The following ANKRD26 variants were observed in gnomAD, a reference collection of about 807,000 sequenced individuals.
ANKRD26 encodes the protein ankyrin repeat domain 26.
Under a neutral mutation model 208.7 loss-of-function variants are expected in ANKRD26, and 141 were observed. The ratio of observed to expected loss-of-function variants is 0.68; its 90% CI spans 0.59 to 0.78. The LOEUF is 0.78. Ranked by LOEUF, ANKRD26 falls within the 30% of genes least tolerant of loss-of-function variation. The probability of loss-of-function intolerance (pLI) is 0.00; values close to 1 mark genes in which losing one functional copy is unlikely to be tolerated. For missense variants in ANKRD26, 1,889 were observed against 1,938.7 expected, an observed-to-expected ratio of 0.97 and a Z score of 0.48; for synonymous variants, 636 against 660.4, an observed-to-expected ratio of 0.96 and a Z score of 0.57.
At chr10:26,948,793 G>C in the ANKRD26 span, among the ~76,000 whole-genome samples, 3 of 152,126 alleles carry the variant, frequency 2.0e-5, no homozygotes, top group Non-Finnish European at 2.9e-5. Context: ...TTCAAGACTA[G>C]CCTGGCCAAC....
intron 30 of ANKRD26, among the ~76,000 whole-genome samples, chr10:27,016,724 T>C (rs2053305482): frequency 1.3e-5 from 2 of 152,158 alleles, no homozygotes; most frequent in South Asian, 4.1e-4. Flanking sequence ...TAAGCAAGTA[T>C]ATACTTGGGT....
At chr10:27,045,239 C>G (rs1314083390) in intron 18 of ANKRD26, among the ~76,000 whole-genome samples, 1 of 152,142 alleles carries the variant, frequency 6.6e-6, no homozygotes, top group African/African-American at 2.4e-5. Context: ...GCTTGGCCAA[C>G]ATGGCGCAAC....
Position 27,100,388 on chromosome 10 carries a change from A to T in ANKRD26, c.-62T>A. ...TCTCTCGGCTCTTAACGGCCTCCGG[A>T]GCCCAACATAACAAGTCAGCCCCGG... On this transcript the variant is annotated 5_prime_UTR_variant, in exon 1 of 34. Coordinates refer to ENST00000376087, the MANE Select transcript of ANKRD26 (RefSeq NM_014915.3). 1 of 1,596,126 alleles carries T rather than the reference A, an allele frequency of 6.3e-7. No homozygotes were observed. Among genetic ancestry groups the T allele is most frequent in the Non-Finnish European group, 8.5e-7 (1 of 1,178,494 alleles).
intron 16 of ANKRD26, chr10:27,051,321 C>T (rs1187173461): frequency 3.9e-6 from 5 of 1,278,750 alleles, no homozygotes; most frequent in African/African-American, 3.1e-5. Flanking sequence ...AGCGTCTGTA[C>T]CAGCAGAAAT....
intron 1 of ANKRD26, among the ~76,000 whole-genome samples, chr10:27,099,564 G>GC (rs1022450135): frequency 3.1e-5 from 4 of 127,316 alleles, no homozygotes; most frequent in African/African-American, 9.1e-5. Context: ...ATTAGAGTTG[G>GC]GGGGGGGGGT....
At chr10:27,075,181 G>A (rs1038772392) in intron 9 of ANKRD26, among the ~76,000 whole-genome samples, 1 of 152,148 alleles carries the variant, frequency 6.6e-6, no homozygotes, top group Non-Finnish European at 1.5e-5. Context: ...TAACATAATG[G>A]AGGAAACAAA....
At chr10:26,970,692 T>C (rs112684761), downstream of ANKRD26, among the ~76,000 whole-genome samples, 287 of 152,340 alleles carry the variant, frequency 1.9e-3, no homozygotes, top group African/African-American at 6.7e-3. Flanking sequence ...CTCTTCTGTC[T>C]TACCAACAAT....
At chr10:26,980,408 T>C (rs1360318906) in intron 5 of ANKRD26, among the ~76,000 whole-genome samples, 5 of 152,196 alleles carry the variant, frequency 3.3e-5, no homozygotes, top group African/African-American at 9.7e-5. Flanking sequence ...AAAACCAACA[T>C]GTGGAACAGC....
At chr10:27,071,626 CAAG>C (rs945012532) in intron 9 of ANKRD26, among the ~76,000 whole-genome samples, 2 of 151,966 alleles carry the variant, frequency 1.3e-5, no homozygotes, top group Non-Finnish European at 1.5e-5. Context: ...AACTTTTTTC[CAAG>C]AAGCAACACA....
Position 27,067,253 on chromosome 10 carries a change from C to CT in ANKRD26, c.1110dup (p.Glu371ArgfsTer5), listed in dbSNP as rs775948884. On this transcript the variant is annotated frameshift_variant, in exon 10 of 34. Transcript: ENST00000376087. LOFTEE classifies it high-confidence loss of function. ...CTTTCAATAATATCAATACCATTTTCTTTTTTTGCAATGCCTGGCTTTGTT... is the reference window on the plus strand; with the variant it reads ...CTTTCAATAATATCAATACCATTTTCTTTTTTTTGCAATGCCTGGCTTTGTT... The CT allele has an allele frequency of 2.7e-5, 44 of 1,613,408 alleles. No homozygotes were observed. Among genetic ancestry groups the CT allele is most frequent in the Non-Finnish European group, 3.2e-5 (38 of 1,179,910 alleles).
chr10:27,051,820 T>C (rs1190525407), intron 16 of ANKRD26: 1 of 985,288 alleles, frequency 1.0e-6, no homozygotes, highest in Non-Finnish European at 1.2e-6. Flanking sequence ...GTGCCTCCTT[T>C]AGAGTTATCA....
chr10:26,958,550 G>A, the ANKRD26 span, among the ~76,000 whole-genome samples: 1 of 152,216 alleles, frequency 6.6e-6, no homozygotes, highest in Non-Finnish European at 1.5e-5. Context: ...TCTTATAACT[G>A]AGAAGGTGCG....
At chr10:27,091,577 C>G (rs1026572688) in intron 4 of ANKRD26, among the ~76,000 whole-genome samples, 2 of 152,114 alleles carry the variant, frequency 1.3e-5, no homozygotes, top group Non-Finnish European at 2.9e-5. Flanking sequence ...CAACTTAAAG[C>G]AAAGAGGCAC....
At chr10:27,043,766 A>T (rs2054344362) in intron 19 of ANKRD26, among the ~76,000 whole-genome samples, 199 bp from the exon 20 acceptor site, 1 of 151,978 alleles carries the variant, frequency 6.6e-6, no homozygotes, top group Non-Finnish European at 1.5e-5. Flanking sequence ...ACAACAAAAG[A>T]TTCTCTTTTT....
intron 23 of ANKRD26, 72 bp from the exon 24 acceptor site, chr10:27,035,824 A>G (rs1463640797): frequency 9.2e-7 from 1 of 1,086,824 alleles, no homozygotes; most frequent in East Asian, 2.4e-5. Context: ...CTGAAATTAA[A>G]GAATAAACTG....
At chr10:27,084,230 AAAAAAG>A (rs1183963012) in intron 5 of ANKRD26, among the ~76,000 whole-genome samples, 3 of 112,016 alleles carry the variant, frequency 2.7e-5, no homozygotes, top group African/African-American at 9.1e-5. Context: ...AAAAAAAAAA[AAAAAAG>A]AAAAAAGAAA....
chr10:27,050,416 A>T (rs1054676828), intron 16 of ANKRD26, among the ~76,000 whole-genome samples: 1 of 152,130 alleles, frequency 6.6e-6, no homozygotes, highest in Non-Finnish European at 1.5e-5. Context: ...ATTAAACAAC[A>T]TAATGTAAAG....
At chr10:26,973,219 A>G (rs2052175787), downstream of ANKRD26, among the ~76,000 whole-genome samples, 1 of 152,144 alleles carries the variant, frequency 6.6e-6, no homozygotes, top group African/African-American at 2.4e-5. Flanking sequence ...AATTCTATGA[A>G]TTAATTTGTC....
chr10:26,955,905 T>C, the ANKRD26 span, among the ~76,000 whole-genome samples: 1 of 152,230 alleles, frequency 6.6e-6, no homozygotes, highest in African/African-American at 2.4e-5. Context: ...AGAGTACGTC[T>C]TGTAGCAGTT....
Sources: allele counts gnomAD v4.1 joint callset (sites outside exome capture counted in the v4.1 genomes callset), GRCh38; gene constraint gnomAD v4.1.1; transcripts MANE v1.5; gene names NCBI Gene and HGNC (gene_info 2026-07-23, HGNC 2026-07-21).